The following LARP4B variants were observed in gnomAD, a reference collection of about 807,000 sequenced individuals.
LARP4B encodes the protein La ribonucleoprotein 4B.
In LARP4B, 12 loss-of-function variants were observed where a neutral mutation model predicts 89.8. That is an observed-to-expected ratio of 0.13 (90% confidence interval 0.09 to 0.22). LARP4B has a LOEUF of 0.22. Ranked by LOEUF, LARP4B falls within the 10% of genes least tolerant of loss-of-function variation. The pLI is 1.00. For missense variants in LARP4B, 757 were observed against 947.7 expected, an observed-to-expected ratio of 0.80 and a Z score of 2.64; for synonymous variants, 367 against 363.3, an observed-to-expected ratio of 1.01 and a Z score of -0.12.
intron 3 of LARP4B, among the ~76,000 whole-genome samples, chr10:876,512 T>C (rs937362659): frequency 6.6e-6 from 1 of 152,180 alleles, no homozygotes; most frequent in Non-Finnish European, 1.5e-5. Flanking sequence ...TGGAGAATCA[T>C]CTCCTTTGAC....
intron 1 of LARP4B, among the ~76,000 whole-genome samples, chr10:904,267 A>T (rs2131996575): frequency 6.6e-6 from 1 of 152,232 alleles, no homozygotes; most frequent in Admixed American, 6.5e-5. Flanking sequence ...AAGATAAATA[A>T]AATAGGCCGG....
At chr10:858,906 CT>C (rs1468706890) in intron 5 of LARP4B, among the ~76,000 whole-genome samples, 1 of 152,184 alleles carries the variant, frequency 6.6e-6, no homozygotes, top group Non-Finnish European at 1.5e-5. Context: ...AATCACAGCA[CT>C]TTGGCAGGCC....
At chr10:853,235 T>A (rs1361866418) in intron 5 of LARP4B, among the ~76,000 whole-genome samples, 1 of 152,106 alleles carries the variant, frequency 6.6e-6, no homozygotes, top group South Asian at 2.1e-4. Flanking sequence ...AGTTCCAGAG[T>A]GCTGCAATCA....
the LARP4B span, among the ~76,000 whole-genome samples, chr10:979,905 A>G: frequency 6.6e-6 from 1 of 152,206 alleles, no homozygotes; most frequent in Non-Finnish European, 1.5e-5. Context: ...CAGGAGGCAG[A>G]GCTTGCAGTA....
At chr10:975,719 G>A in the LARP4B span, among the ~76,000 whole-genome samples, 8 of 151,740 alleles carry the variant, frequency 5.3e-5, no homozygotes, top group East Asian at 1.9e-4. Flanking sequence ...TGTGCAGCCC[G>A]GCCTAGTAGA....
chr10:831,041 A>T (rs973807756), intron 8 of LARP4B, 64 bp from the exon 9 acceptor site: 4 of 684,478 alleles, frequency 5.8e-6, no homozygotes, highest in Admixed American at 5.6e-5. Flanking sequence ...CTCACCAAAA[A>T]TTTTTTTAAC....
intron 6 of LARP4B, 34 bp from the exon 7 acceptor site, chr10:843,102 T>C (rs772997079): frequency 8.8e-6 from 14 of 1,598,468 alleles, no homozygotes; most frequent in African/African-American, 2.7e-5. Flanking sequence ...TTAATCAGTA[T>C]TTCTTTAAAA....
chr10:936,156 A>G (rs185186722), upstream of LARP4B, among the ~76,000 whole-genome samples: 207 of 152,276 alleles, frequency 1.4e-3, no homozygotes, highest in African/African-American at 4.7e-3. Flanking sequence ...TGATTAAACA[A>G]ATATTCACTG....
chr10:938,350 A>C, the LARP4B span, among the ~76,000 whole-genome samples: 2 of 150,656 alleles, frequency 1.3e-5, no homozygotes, highest in Non-Finnish European at 2.9e-5. Flanking sequence ...TCCCGGGTTC[A>C]CGCCATTCTC....
intron 1 of LARP4B, among the ~76,000 whole-genome samples, chr10:897,737 C>T (rs1451543819): frequency 6.6e-6 from 1 of 152,052 alleles, no homozygotes; most frequent in African/African-American, 2.4e-5. Context: ...TCTGTAATCC[C>T]AGCACTTTCC....
chr10:864,800 A>T (rs1439697780), intron 3 of LARP4B, among the ~76,000 whole-genome samples: 1 of 152,108 alleles, frequency 6.6e-6, no homozygotes, highest in Admixed American at 6.6e-5. Context: ...CTAAAAATAC[A>T]AAATTAGCCG....
At chr10:984,483 G>C in the LARP4B span, among the ~76,000 whole-genome samples, 1 of 152,112 alleles carries the variant, frequency 6.6e-6, no homozygotes, top group Admixed American at 6.5e-5. Flanking sequence ...AGAATGACTC[G>C]TACTCAACCC....
chr10:895,119 G>C (rs1836147109), intron 1 of LARP4B, among the ~76,000 whole-genome samples: 1 of 152,206 alleles, frequency 6.6e-6, no homozygotes, highest in African/African-American at 2.4e-5. Flanking sequence ...CCGGGAGGCA[G>C]AGGTTGCAGT....
chr10:945,469 A>G, the LARP4B span, among the ~76,000 whole-genome samples: 1,000 of 151,444 alleles, frequency 6.6e-3, 11 homozygotes, highest in African/African-American at 0.02. Context: ...GGTGGATCAC[A>G]AGGTCAGGAG....
the LARP4B span, among the ~76,000 whole-genome samples, chr10:952,180 T>TA: frequency 2.2e-4 from 32 of 146,276 alleles, no homozygotes; most frequent in South Asian, 2.2e-4. Flanking sequence ...GTACTAAAAA[T>TA]AAAAAAAAAA....
intron 3 of LARP4B, among the ~76,000 whole-genome samples, chr10:865,459 C>T (rs1201359459): frequency 6.6e-6 from 1 of 151,766 alleles, no homozygotes; most frequent in Non-Finnish European, 1.5e-5. Context: ...AGCCACAGCG[C>T]CCTCCTGTGC....
chr10:896,429 C>CAGTA (rs1383325467), intron 1 of LARP4B, among the ~76,000 whole-genome samples: 1 of 152,110 alleles, frequency 6.6e-6, no homozygotes, highest in Non-Finnish European at 1.5e-5. Context: ...CAAAATAACA[C>CAGTA]AGTACTAAGA....
intron 13 of LARP4B, among the ~76,000 whole-genome samples, chr10:823,864 T>C (rs1832482805): frequency 1.3e-5 from 2 of 152,290 alleles, no homozygotes; most frequent in South Asian, 4.1e-4. Context: ...CCTGATGCCA[T>C]GTTTCCTGTG....
At chr10:973,375 G>A in the LARP4B span, among the ~76,000 whole-genome samples, 3 of 151,180 alleles carry the variant, frequency 2.0e-5, no homozygotes, top group Non-Finnish European at 2.9e-5. Context: ...TTTTTGAGAC[G>A]GAGTCTTGCT....
Sources: gnomAD v4.1 joint callset for allele counts (sites outside exome capture counted in the v4.1 genomes callset) on GRCh38, gnomAD v4.1.1 for gene constraint, MANE v1.5 for transcripts, NCBI Gene and HGNC (gene_info 2026-07-23, HGNC 2026-07-21) for gene names.